The following DLGAP2 variants were observed in gnomAD, a reference collection of about 807,000 sequenced individuals.
DLGAP2 encodes disks large-associated protein 2.
Under a neutral mutation model 100.3 loss-of-function variants are expected in DLGAP2, and 26 were observed. The observed-to-expected ratio is 0.26, with a 90% CI of 0.19 to 0.36. The LOEUF (loss-of-function observed/expected upper bound fraction) is 0.36. DLGAP2 is among the 10% of genes least tolerant of loss of function. DLGAP2 has a pLI of 1.00. For missense variants in DLGAP2, 1,858 were observed against 1,453.2 expected (o/e 1.28, Z -4.53); for synonymous variants, 886 against 630.1 (o/e 1.41, Z -6.08).
chr8:1,319,144 C>T (rs1432065971), intron 3 of DLGAP2, among the ~76,000 whole-genome samples: 1 of 152,138 alleles, frequency 6.6e-6, no homozygotes, highest in Non-Finnish European at 1.5e-5. Context: ...GGATCTTGTG[C>T]TCGCTGCCTC....
chr8:1,373,756 GTCT>G (rs1802312843), intron 3 of DLGAP2: 1 of 152,222 alleles, frequency 6.6e-6, no homozygotes, highest in Admixed American at 6.5e-5. Context: ...CCTTTCCCGT[GTCT>G]TCTTCTCACA....
intron 3 of DLGAP2, among the ~76,000 whole-genome samples, chr8:1,460,057 C>T (rs564360491): frequency 2.0e-5 from 3 of 152,344 alleles, no homozygotes; most frequent in East Asian, 1.9e-4. Flanking sequence ...CATGAGAACA[C>T]CCATCCCATG....
intron 2 of DLGAP2, among the ~76,000 whole-genome samples, chr8:951,687 C>T (rs1799483914): frequency 6.6e-6 from 1 of 152,200 alleles, no homozygotes; most frequent in South Asian, 2.1e-4. Context: ...TGTGCTGGGA[C>T]ATGTCCAGGT....
intron 3 of DLGAP2, among the ~76,000 whole-genome samples, chr8:1,337,175 ATGATGG>A (rs1333586245): frequency 1.0e-4 from 15 of 145,492 alleles, no homozygotes; most frequent in African/African-American, 4.1e-4. Context: ...GGTGATGATG[ATGATGG>A]TGGTGGTGAG....
intron 1 of DLGAP2, among the ~76,000 whole-genome samples, chr8:825,504 C>G (rs139426472): frequency 8.9e-4 from 136 of 152,252 alleles, no homozygotes; most frequent in South Asian, 4.0e-3. Context: ...CAAAGCATTC[C>G]CCACCCACTG....
intron 4 of DLGAP2, among the ~76,000 whole-genome samples, chr8:1,530,271 C>G (rs536615085): frequency 3.6e-4 from 55 of 152,266 alleles, no homozygotes; most frequent in African/African-American, 1.3e-3. Context: ...CACGTATTCT[C>G]TTTCCCAGGG....
At chr8:984,450 C>G (rs943904569) in intron 2 of DLGAP2, among the ~76,000 whole-genome samples, 2 of 152,208 alleles carry the variant, frequency 1.3e-5, no homozygotes, top group African/African-American at 4.8e-5. Context: ...TCAGAGGGCC[C>G]TGTTTCTAAG....
intron 3 of DLGAP2, among the ~76,000 whole-genome samples, chr8:1,315,574 C>T (rs1223768790): frequency 3.7e-4 from 53 of 141,724 alleles, no homozygotes; most frequent in Non-Finnish European, 6.0e-4. Flanking sequence ...AGAGCCTGTA[C>T]GAGTGCAGCG....
chr8:1,430,774 C>T (rs985637102), intron 3 of DLGAP2, among the ~76,000 whole-genome samples: 1 of 152,190 alleles, frequency 6.6e-6, no homozygotes, highest in Non-Finnish European at 1.5e-5. Context: ...ATAAGATGAA[C>T]AGTTATTGAA....
intron 1 of DLGAP2, among the ~76,000 whole-genome samples, chr8:805,702 G>A (rs1375773522): frequency 1.3e-5 from 2 of 152,182 alleles, no homozygotes; most frequent in African/African-American, 4.8e-5. Flanking sequence ...CCAGGCTGAA[G>A]CAATCATCCC....
intron 2 of DLGAP2, among the ~76,000 whole-genome samples, chr8:918,708 TAACTA>T (rs1798645707): frequency 6.6e-6 from 1 of 152,218 alleles, no homozygotes; most frequent in African/African-American, 2.4e-5. Flanking sequence ...CTTAAGTTCT[TAACTA>T]AGATAATGTT....
At chr8:801,017 G>C (rs1035957858) in intron 1 of DLGAP2, among the ~76,000 whole-genome samples, 2 of 152,090 alleles carry the variant, frequency 1.3e-5, no homozygotes, top group Admixed American at 6.6e-5. Context: ...TCAATGGCTG[G>C]TTTGGGGTTT....
At chr8:1,644,254 C>G (rs1797986683) in intron 8 of DLGAP2, among the ~76,000 whole-genome samples, 1 of 152,232 alleles carries the variant, frequency 6.6e-6, no homozygotes, top group Non-Finnish European at 1.5e-5. Context: ...AAAAAGGCAG[C>G]CTGACCCTAA....
intron 2 of DLGAP2, among the ~76,000 whole-genome samples, chr8:1,103,871 G>T (rs1001184224): frequency 6.6e-6 from 1 of 152,202 alleles, no homozygotes; most frequent in Non-Finnish European, 1.5e-5. Context: ...AAATCAGTTC[G>T]AGGGGTCCCC....
At chr8:1,630,699 C>G (rs1205814921) in intron 7 of DLGAP2, among the ~76,000 whole-genome samples, 1 of 149,762 alleles carries the variant, frequency 6.7e-6, no homozygotes, top group African/African-American at 2.5e-5. Context: ...GAGACTCCAT[C>G]TCGAAAAAAA....
At chr8:949,990 C>G (rs1182082749) in intron 2 of DLGAP2, among the ~76,000 whole-genome samples, 1 of 152,222 alleles carries the variant, frequency 6.6e-6, no homozygotes, top group African/African-American at 2.4e-5. Flanking sequence ...GAGGCACACA[C>G]ACAAAGAGAC....
chr8:1,643,347 C>T (rs577553368), intron 8 of DLGAP2, among the ~76,000 whole-genome samples: 2 of 18,804 alleles, frequency 1.1e-4, no homozygotes, highest in Non-Finnish European at 1.7e-4. Context: ...CGCCGGCCCT[C>T]ACCTGTGTCA....
intron 2 of DLGAP2, among the ~76,000 whole-genome samples, chr8:1,036,648 A>G (rs907698414): frequency 1.3e-5 from 2 of 152,134 alleles, no homozygotes; most frequent in African/African-American, 4.8e-5. Context: ...TGGTCAAGGC[A>G]GGGCCTTGAA....
At chr8:1,141,467 G>A (rs545690909) in intron 2 of DLGAP2, among the ~76,000 whole-genome samples, 1 of 152,174 alleles carries the variant, frequency 6.6e-6, no homozygotes, top group East Asian at 1.9e-4. Context: ...ATGGTTAGAA[G>A]AGAGCCTATA....
Sources: allele counts gnomAD v4.1 joint callset (sites outside exome capture counted in the v4.1 genomes callset), GRCh38; gene constraint gnomAD v4.1.1; transcripts MANE v1.5; gene names NCBI Gene and HGNC (gene_info 2026-07-23, HGNC 2026-07-21).